The following ABCA12 variants were observed in gnomAD, a reference collection of about 807,000 sequenced individuals.
The protein encoded by ABCA12 is ATP binding cassette subfamily A member 12, also known as glucosylceramide transporter ABCA12.
ABCA12 carries 156 observed loss-of-function variants against 293.5 expected under a neutral mutation model. That is an observed-to-expected ratio of 0.53 (90% CI 0.47 to 0.61). The LOEUF (loss-of-function observed/expected upper bound fraction) is 0.61. Ranked by LOEUF, ABCA12 falls within the 20% of genes least tolerant of loss-of-function variation. ABCA12 has a pLI of 0.00. For missense variants in ABCA12, 2,797 were observed against 3,090.2 expected (o/e 0.91, Z 2.25); for synonymous variants, 1,063 against 1,108.0 (o/e 0.96, Z 0.81).
At chr2:214,934,268 A>G in intron 51 of ABCA12, 53 bp from the exon 52 acceptor site, 1 of 1,599,534 alleles carries the variant, frequency 6.3e-7, no homozygotes, top group East Asian at 2.2e-5. Context: ...TAATGTTGAC[A>G]TGACTAGACA....
intron 15 of ABCA12, among the ~76,000 whole-genome samples, chr2:215,014,129 C>T (rs1006227188): frequency 8.6e-5 from 13 of 151,112 alleles, no homozygotes; most frequent in African/African-American, 2.9e-4. Context: ...TGCAGTGAGC[C>T]GAGATGGCAC....
At chr2:215,075,750 T>A in intron 2 of ABCA12, 1 of 559,430 alleles carries the variant, frequency 1.8e-6, no homozygotes, top group Admixed American at 3.4e-5. Context: ...ATTACCCCAA[T>A]AGAGGTATGT....
At chr2:215,013,449 C>G (rs144098969) in intron 15 of ABCA12, 1 of 152,544 alleles carries the variant, frequency 6.6e-6, no homozygotes, top group Non-Finnish European at 1.5e-5. Flanking sequence ...TCTCCCACAC[C>G]GCCCATCTCT....
chr2:214,955,126 A>G lies in ABCA12; in HGVS notation c.6393+76T>C, dbSNP rs1698903470. On this transcript the variant is annotated intron_variant, in intron 43 of 52. Transcript: ENST00000272895. ...GAATCAAATGATATTCTTCTTTTTT[A>G]TGTAGAATAAATAAAATCTTTCCAC... 5.2e-6 allele frequency: 8 copies of G among 1,528,336 alleles called. No individual in the cohort carries two copies. In the South Asian group the frequency reaches 9.3e-5, roughly 18 times the overall value. 94.7% of individuals were successfully genotyped at this position (1,528,336 alleles called of 1,614,324 possible). A position where few individuals can be genotyped will look rare whatever the true frequency, so the allele number is the denominator to read the frequency against.
chr2:214,969,310 C>T (rs1699335056), intron 37 of ABCA12, among the ~76,000 whole-genome samples: 1 of 151,996 alleles, frequency 6.6e-6, no homozygotes, highest in Non-Finnish European at 1.5e-5. Flanking sequence ...CAATTCATGT[C>T]AACTGCTTGT....
At chr2:215,011,304 TG>T in intron 17 of ABCA12, 134 bp downstream of exon 17, 1 of 704,816 alleles carries the variant, frequency 1.4e-6, no homozygotes, top group Non-Finnish European at 2.4e-6. Flanking sequence ...ATGTGGTAAG[TG>T]CTGTATAATT....
Position 214,980,643 on chromosome 2 carries a change from G to T in ABCA12, c.4580C>A (p.Ala1527Asp). 1.2e-6 allele frequency: 2 copies of T among 1,614,000 alleles called. No individual in the cohort carries two copies. The highest frequency in any genetic ancestry group is 8.5e-7 in the Non-Finnish European group (1 of 1,179,944). Residue 1527 changes from alanine (A) to aspartate (D), a missense_variant and splice_region_variant, in exon 31 of 53, where the codon GCC becomes GAC. Transcript: ENST00000272895. Reference sequence around the variant, plus strand: ...GTGCGTTGACAGAATGATTGTTCTGGCTTGAAAATACAGACAAGAACAACA... The same window carrying T: ...GTGCGTTGACAGAATGATTGTTCTGTCTTGAAAATACAGACAAGAACAACA... Reference protein sequence around the residue: ...IWDVISKNKTARTIILSTHHL... With the variant: ...IWDVISKNKTDRTIILSTHHL...
intron 14 of ABCA12, chr2:215,017,586 T>A (rs2106010675): frequency 6.0e-6 from 1 of 166,032 alleles, no homozygotes; most frequent in African/African-American, 2.4e-5. Context: ...TTGATAGCAT[T>A]TGAGTAGGTA....
intron 2 of ABCA12, among the ~76,000 whole-genome samples, chr2:215,099,567 C>A (rs1334534062): frequency 6.6e-6 from 1 of 152,058 alleles, no homozygotes; most frequent in African/African-American, 2.4e-5. Context: ...GTGGCGTATG[C>A]CTGTAATCCC....
intron 8 of ABCA12, chr2:215,032,167 A>G (rs1700892914): frequency 8.1e-7 from 1 of 1,232,842 alleles, no homozygotes; most frequent in Admixed American, 3.2e-5. Flanking sequence ...TCAAGCCACT[A>G]CATTATTTTA....
At chr2:214,986,485 C>T in intron 28 of ABCA12, 57 bp downstream of exon 28, 6 of 1,504,844 alleles carry the variant, frequency 4.0e-6, no homozygotes, top group South Asian at 1.1e-5. Context: ...ATTTTTTTTA[C>T]ACCTGTATTT....
At chr2:215,087,873 A>G (rs985244082) in intron 2 of ABCA12, among the ~76,000 whole-genome samples, 4 of 152,250 alleles carry the variant, frequency 2.6e-5, no homozygotes, top group African/African-American at 9.6e-5. Flanking sequence ...GAATTCAGAT[A>G]TAAAGCAATT....
At position 214,996,289 on chromosome 2, in the gene ABCA12, A is replaced by G. The variant is rs528597275; in HGVS notation, c.3294+1406T>C. On this transcript the variant is annotated intron_variant, in intron 23 of 52. Transcript: ENST00000272895. The stretch of plus-strand genomic sequence containing the variant: ...ATAATACAATGTGTGTGTATTATAT[A>G]CACACAGTTTTATTATATGCATATA... 2.0e-5 allele frequency among the ~76,000 whole-genome samples: 3 copies of G among 152,312 alleles called. No homozygotes were observed. In the East Asian group the frequency reaches 5.8e-4, roughly 29 times the overall value.
Position 214,998,865 on chromosome 2 carries a change from A to C in ABCA12, c.3180-1056T>G, listed in dbSNP as rs112742226. On this transcript the variant is annotated intron_variant, in intron 22 of 52. Transcript: ENST00000272895. ...CAAAAGCAGTAGATGTCGATGAGAG[A>C]TTCTAAGTTGCTCTGTTTATGTGTT... is the stretch of plus-strand genomic sequence containing the variant. Among the ~76,000 whole-genome samples, 37 of 152,272 alleles carry C rather than the reference A, an allele frequency of 2.4e-4. 1 individual carries two copies. The highest frequency in any genetic ancestry group is 8.2e-4 in the African/African-American group (34 of 41,566).
At position 214,997,712 on chromosome 2, in the gene ABCA12, C is replaced by G. The variant is rs1340414383; in HGVS notation, c.3277G>C (p.Asp1093His). The change falls in exon 23 of 53, where the codon GAC becomes CAC. Residue 1093 changes from aspartate (D) to histidine (H), a missense_variant. Asp to His is a moderately conservative substitution (Grantham distance 81, BLOSUM62 -1). Coordinates refer to ENST00000272895, the MANE Select transcript of ABCA12 (RefSeq NM_173076.3). ...CAACATACCTCATGAAGCCGGAGGT[C>G]TTTCTCATAGACAAGCTTTTTTACA... ...AFVKKLVYEK[D>H]LRLHEYMKMM... 2 of 1,611,106 alleles carry G rather than the reference C, an allele frequency of 1.2e-6. No homozygotes were observed. The highest frequency in any genetic ancestry group is 1.7e-6 in the Non-Finnish European group (2 of 1,177,498).
intron 2 of ABCA12, among the ~76,000 whole-genome samples, chr2:215,070,969 C>T (rs191395852): frequency 3.0e-4 from 45 of 152,072 alleles, no homozygotes; most frequent in African/African-American, 1.1e-3. Context: ...TGCTTAAGCC[C>T]AGCAGTTCGA....
rs537101176 is a variant in ABCA12 at position 215,119,000 on chromosome 2, G to A, written c.70-7310C>T. ...TAATTATTATTTTATTTTTGAGACCGATTCTCACTCTGTTGCCCAGGGTAG... is the reference window on the plus strand; with the variant it reads ...TAATTATTATTTTATTTTTGAGACCAATTCTCACTCTGTTGCCCAGGGTAG... On this transcript the variant is annotated intron_variant, in intron 1 of 52. Coordinates refer to ENST00000272895, the MANE Select transcript of ABCA12 (RefSeq NM_173076.3). Among the ~76,000 whole-genome samples, 26 of 152,214 alleles carry A rather than the reference G, an allele frequency of 1.7e-4. No homozygotes were observed. The South Asian group carries it at 4.8e-3, about 28-fold the overall frequency.
At chr2:215,001,849 G>A in intron 20 of ABCA12, 112 bp from the exon 21 acceptor site, 1 of 999,628 alleles carries the variant, frequency 1.0e-6, no homozygotes, top group Admixed American at 2.5e-5. Context: ...AATAACAAAA[G>A]CCTGCAGAAT....
At chr2:214,936,990 C>A (rs1444520272) in intron 51 of ABCA12, among the ~76,000 whole-genome samples, 1 of 151,098 alleles carries the variant, frequency 6.6e-6, no homozygotes, top group East Asian at 1.9e-4. Context: ...TAAGTAAGTA[C>A]AAAAATATAT....
Sources: allele counts gnomAD v4.1 joint callset (sites outside exome capture counted in the v4.1 genomes callset), GRCh38; gene constraint gnomAD v4.1.1; transcripts MANE v1.5; gene names NCBI Gene and HGNC (gene_info 2026-07-23, HGNC 2026-07-21).